The following LRRTM3 variants were observed in gnomAD, a reference collection of about 807,000 sequenced individuals.
LRRTM3 encodes leucine rich repeat transmembrane neuronal 3.
A neutral mutation model predicts 44.7 loss-of-function variants in LRRTM3; 24 were observed. The ratio of observed to expected loss-of-function variants is 0.54; its 90% CI spans 0.39 to 0.76. The LOEUF (loss-of-function observed/expected upper bound fraction) is 0.76. Ranked by LOEUF, LRRTM3 falls within the 30% of genes least tolerant of loss-of-function variation. The pLI is 0.00. For synonymous variants in LRRTM3, 277 were observed against 278.7 expected (o/e 0.99, Z 0.06); for missense variants, 587 against 702.2 (o/e 0.84, Z 1.85).
intron 2 of LRRTM3, among the ~76,000 whole-genome samples, chr10:67,059,347 A>G (rs1306072320): frequency 1.3e-5 from 2 of 152,202 alleles, no homozygotes; most frequent in African/African-American, 4.8e-5. Flanking sequence ...AAAAAGCAAA[A>G]TAATATTTTA....
intron 2 of LRRTM3, among the ~76,000 whole-genome samples, chr10:66,976,282 G>A (rs1850024829): frequency 6.6e-6 from 1 of 152,162 alleles, no homozygotes; most frequent in African/African-American, 2.4e-5. Flanking sequence ...GGGAATCAGG[G>A]ACGATACCCC....
chr10:66,930,203 C>T (rs1033107615), intron 2 of LRRTM3, among the ~76,000 whole-genome samples: 1 of 152,092 alleles, frequency 6.6e-6, no homozygotes, highest in Non-Finnish European at 1.5e-5. Context: ...GTGGATTTCT[C>T]AAGGTACTTT....
chr10:66,932,749 A>G (rs768291626), intron 2 of LRRTM3, among the ~76,000 whole-genome samples: 7 of 152,214 alleles, frequency 4.6e-5, no homozygotes, highest in African/African-American at 7.2e-5. Context: ...CCTAATCATA[A>G]TAGCCTACAG....
chr10:67,018,495 T>A (rs1852799122), intron 2 of LRRTM3, among the ~76,000 whole-genome samples: 1 of 152,208 alleles, frequency 6.6e-6, no homozygotes. Flanking sequence ...ACAACTGTTA[T>A]AAACATGTTT....
chr10:67,077,692 A>G (rs911628601), intron 2 of LRRTM3, among the ~76,000 whole-genome samples: 3 of 152,164 alleles, frequency 2.0e-5, no homozygotes, highest in African/African-American at 7.2e-5. Flanking sequence ...TTATATTTGT[A>G]TAACTATTGT....
rs1357247563 is a variant in LRRTM3 at position 66,978,572 on chromosome 10, G to A, written c.1536+50120G>A. On this transcript the variant is annotated intron_variant, in intron 2 of 2. Coordinates refer to ENST00000361320, the MANE Select transcript of LRRTM3 (RefSeq NM_178011.5). ...AAAAAAATATATATATATATATATA[G>A]TATGGTGTACTTAATATTTTTAAGG... Among the ~76,000 whole-genome samples, 18 of 64,118 alleles carry A rather than the reference G, an allele frequency of 2.8e-4. No homozygotes were observed. The South Asian group carries it at 3.5e-3, about 13-fold the overall frequency. The allele number at this position is 64,118 out of a possible 152,430, so 42.1% of individuals were successfully genotyped here.
intron 2 of LRRTM3, among the ~76,000 whole-genome samples, chr10:66,936,655 A>C (rs1454116570): frequency 6.6e-6 from 1 of 152,166 alleles, no homozygotes; most frequent in Non-Finnish European, 1.5e-5. Flanking sequence ...TGAACTCTAC[A>C]GCGCAATCTA....
chr10:66,928,318 T>G lies in LRRTM3; in HGVS notation c.1402T>G (p.Ser468Ala). The change falls in exon 2 of 3, where the codon TCC (serine) becomes GCC (alanine). Residue 468 changes from serine to alanine, a missense_variant. By Grantham distance (99) the Ser-to-Ala change is moderately conservative. Coordinates refer to ENST00000361320, the MANE Select transcript of LRRTM3 (RefSeq NM_178011.5). ...MRRHRKKKRQ[S>A]LKQMTPSTQE... ...AAGGCACAGGAAAAAGAAAAGACAGTCCCTAAAGCAAATGACTCCCAGCAC... is the reference window on the plus strand; with the variant it reads ...AAGGCACAGGAAAAAGAAAAGACAGGCCCTAAAGCAAATGACTCCCAGCAC... 1.9e-6 allele frequency: 3 copies of G among 1,614,012 alleles called. No individual in the cohort carries two copies. Among genetic ancestry groups the G allele is most frequent in the Middle Eastern group, 3.3e-4 (2 of 6,062 alleles).
chr10:66,954,756 C>T (rs1002949516), intron 2 of LRRTM3, among the ~76,000 whole-genome samples: 1 of 152,182 alleles, frequency 6.6e-6, no homozygotes, highest in Non-Finnish European at 1.5e-5. Context: ...TTGGCGGAAT[C>T]GACTGCTACT....
intron 2 of LRRTM3, among the ~76,000 whole-genome samples, chr10:66,928,670 A>G (rs993463924): frequency 6.6e-6 from 1 of 152,134 alleles, no homozygotes. Flanking sequence ...AAATACCACA[A>G]TCAATGTGAA....
At chr10:67,018,402 T>A (rs1230617833) in intron 2 of LRRTM3, among the ~76,000 whole-genome samples, 1 of 152,218 alleles carries the variant, frequency 6.6e-6, no homozygotes, top group East Asian at 1.9e-4. Context: ...TTCAAATTGG[T>A]TATAAATGTC....
At chr10:67,006,034 A>G (rs895508650) in intron 2 of LRRTM3, among the ~76,000 whole-genome samples, 1 of 151,764 alleles carries the variant, frequency 6.6e-6, no homozygotes, top group Non-Finnish European at 1.5e-5. Flanking sequence ...TCAGCATCTT[A>G]TCTCATTATT....
At chr10:67,094,360 G>A (rs1163188510) in intron 2 of LRRTM3, among the ~76,000 whole-genome samples, 5 of 151,566 alleles carry the variant, frequency 3.3e-5, no homozygotes, top group African/African-American at 1.2e-4. Flanking sequence ...AGTGAACTAG[G>A]TCTTTTAAAT....
chr10:66,949,713 T>C (rs1304819707), intron 2 of LRRTM3, among the ~76,000 whole-genome samples: 3 of 152,160 alleles, frequency 2.0e-5, no homozygotes, highest in Non-Finnish European at 4.4e-5. Context: ...TTAAAGTCCA[T>C]TTTCTTATGC....
chr10:66,944,090 A>C lies in LRRTM3; in HGVS notation c.1536+15638A>C, dbSNP rs555222873. On this transcript the variant is annotated intron_variant, in intron 2 of 2. Transcript: ENST00000361320. ...CTGCATTGGTTGACTCTTTCATGAA[A>C]GATTTCTCTATAGCATATGGTGTTG... 7.2e-5 allele frequency among the ~76,000 whole-genome samples: 11 copies of C among 152,306 alleles called. No individual in the cohort carries two copies. In the South Asian group the frequency reaches 2.1e-3, roughly 29 times the overall value.
intron 2 of LRRTM3, among the ~76,000 whole-genome samples, chr10:66,940,388 A>T (rs896614506): frequency 6.6e-6 from 1 of 152,254 alleles, no homozygotes; most frequent in South Asian, 2.1e-4. Flanking sequence ...CTGAAGTGGG[A>T]GGACTGCTTA....
intron 2 of LRRTM3, among the ~76,000 whole-genome samples, chr10:67,087,515 T>C (rs949522017): frequency 9.9e-5 from 15 of 151,884 alleles, no homozygotes; most frequent in East Asian, 3.9e-4. Context: ...CCTTCTCTAA[T>C]ATAAATATAT....
At chr10:66,978,739 A>T (rs1290997728) in intron 2 of LRRTM3, among the ~76,000 whole-genome samples, 2 of 147,606 alleles carry the variant, frequency 1.4e-5, no homozygotes, top group Non-Finnish European at 3.0e-5. Flanking sequence ...AACCTGTCAC[A>T]TTATTTTATA....
intron 2 of LRRTM3, among the ~76,000 whole-genome samples, chr10:66,932,052 C>G (rs1847431131): frequency 6.6e-6 from 1 of 152,172 alleles, no homozygotes; most frequent in Non-Finnish European, 1.5e-5. Context: ...GGCTTTAGAA[C>G]TCTCCAGTTT....
Sources: allele counts gnomAD v4.1 joint callset (sites outside exome capture counted in the v4.1 genomes callset), GRCh38; gene constraint gnomAD v4.1.1; transcripts MANE v1.5; gene names NCBI Gene and HGNC (gene_info 2026-07-23, HGNC 2026-07-21).